The following UMAD1 variants were observed in gnomAD, a reference collection of about 807,000 sequenced individuals.
UMAD1 encodes UBAP1-MVB12-associated (UMA)-domain containing protein 1.
UMAD1 carries 8 observed loss-of-function variants against 6.1 expected under a neutral mutation model. The ratio of observed to expected loss-of-function variants is 1.30; its 90% CI spans 0.76 to 2.35. The LOEUF is 2.35. Among genes scored for constraint, UMAD1 ranks in the 30% most tolerant of loss-of-function variants. UMAD1 has a pLI of 0.00. For synonymous variants in UMAD1, 56 were observed against 31.4 expected (o/e 1.78, Z -2.61); for missense variants, 130 against 78.4 (o/e 1.66, Z -2.49).
chr7:7,655,290 T>C (rs746288862), intron 1 of UMAD1, among the ~76,000 whole-genome samples: 7 of 152,236 alleles, frequency 4.6e-5, no homozygotes, highest in Non-Finnish European at 1.0e-4. Context: ...GTATTGCGTT[T>C]AAGGATTTCA....
At chr7:7,757,179 A>G (rs1781795155) in intron 2 of UMAD1, among the ~76,000 whole-genome samples, 1 of 152,210 alleles carries the variant, frequency 6.6e-6, no homozygotes, top group South Asian at 2.1e-4. Context: ...TATGTATTCA[A>G]GGTGTCATCT....
chr7:7,657,234 C>G (rs1785365412), intron 1 of UMAD1, among the ~76,000 whole-genome samples: 1 of 146,342 alleles, frequency 6.8e-6, no homozygotes, highest in African/African-American at 2.5e-5. Context: ...ATGGATAGAT[C>G]ACAAAAATTT....
At chr7:7,876,648 ACAAT>A (rs1262894578) in intron 3 of UMAD1, among the ~76,000 whole-genome samples, 2 of 152,246 alleles carry the variant, frequency 1.3e-5, no homozygotes, top group Non-Finnish European at 2.9e-5. Context: ...AGTTCCAATG[ACAAT>A]CAGACAATCA....
chr7:7,771,086 A>G (rs1346541175), intron 2 of UMAD1, among the ~76,000 whole-genome samples: 1 of 151,730 alleles, frequency 6.6e-6, no homozygotes, highest in Non-Finnish European at 1.5e-5. Context: ...AAGAGGGCAA[A>G]TATGAGGTAA....
At chr7:7,726,372 C>T (rs1443889023) in intron 2 of UMAD1, among the ~76,000 whole-genome samples, 2 of 152,218 alleles carry the variant, frequency 1.3e-5, no homozygotes, top group Non-Finnish European at 2.9e-5. Flanking sequence ...TCATGGAATT[C>T]ACTGGTCTTA....
intron 2 of UMAD1, chr7:7,736,311 C>T (rs1393769777): frequency 6.5e-6 from 1 of 152,766 alleles, no homozygotes. Flanking sequence ...TGAAATTGCA[C>T]GTTTCTTCCT....
chr7:7,713,184 A>C (rs960732969), intron 2 of UMAD1, among the ~76,000 whole-genome samples: 4 of 148,920 alleles, frequency 2.7e-5, no homozygotes, highest in African/African-American at 9.8e-5. Context: ...TAAAAATACA[A>C]AAAAAAAAAA....
intron 1 of UMAD1, among the ~76,000 whole-genome samples, chr7:7,647,104 G>C (rs577923610): frequency 6.6e-6 from 1 of 152,088 alleles, no homozygotes; most frequent in Non-Finnish European, 1.5e-5. Context: ...TTGAGTGTTT[G>C]GTAGTGTTCA....
intron 2 of UMAD1, among the ~76,000 whole-genome samples, chr7:7,695,903 C>A (rs530073648): frequency 1.9e-4 from 29 of 151,622 alleles, no homozygotes; most frequent in African/African-American, 6.1e-4. Context: ...CCAACCATGG[C>A]AGGAGTGTGA....
intron 2 of UMAD1, among the ~76,000 whole-genome samples, chr7:7,674,144 G>T (rs1385971874): frequency 1.3e-5 from 2 of 152,114 alleles, no homozygotes; most frequent in Non-Finnish European, 2.9e-5. Flanking sequence ...TTTCCTTGTG[G>T]TTCTCATCCT....
At chr7:7,660,917 C>T (rs1411239333) in intron 1 of UMAD1, among the ~76,000 whole-genome samples, 1 of 152,212 alleles carries the variant, frequency 6.6e-6, no homozygotes, top group African/African-American at 2.4e-5. Context: ...GTTCTATTCT[C>T]CCTGTCACTT....
intron 2 of UMAD1, among the ~76,000 whole-genome samples, chr7:7,788,008 A>C (rs1327675611): frequency 6.6e-6 from 1 of 152,080 alleles, no homozygotes; most frequent in African/African-American, 2.4e-5. Context: ...TGATCATACC[A>C]TGTTTGCCGC....
At position 7,679,545 on chromosome 7, in the gene UMAD1, A is replaced by G. The variant is rs10257824; in HGVS notation, c.82+6092A>G. Reference sequence around the variant, plus strand: ...AGATAAATATATATTTATATATTTAATTTATAGATAAATATATATTTATAT... The same window carrying G: ...AGATAAATATATATTTATATATTTAGTTTATAGATAAATATATATTTATAT... On this transcript the variant is annotated intron_variant, in intron 2 of 3. Transcript: ENST00000682710. 3.1e-3 allele frequency among the ~76,000 whole-genome samples: 5 copies of G among 1,600 alleles called. 1 individual carries two copies. The highest frequency in any genetic ancestry group is 0.022 in the African/African-American group (4 of 182). 1.0% of individuals were successfully genotyped at this position (1,600 alleles called of 152,430 possible). A position where few individuals can be genotyped will look rare whatever the true frequency, so the allele number is the denominator to read the frequency against.
chr7:7,769,515 A>G (rs1393251692), intron 2 of UMAD1, among the ~76,000 whole-genome samples: 4 of 152,098 alleles, frequency 2.6e-5, no homozygotes, highest in African/African-American at 4.8e-5. Flanking sequence ...TTTGCTGCAT[A>G]TCATATGATT....
rs71543846 is a variant in UMAD1, at chr7:7,771,124, GT to G, written c.83-30533del. Among the ~76,000 whole-genome samples the G allele has an allele frequency of 6.9e-3, 1,007 of 145,770 alleles. 17 individuals carry two copies. The highest frequency in any genetic ancestry group is 0.022 in the African/African-American group (894 of 39,836). ...TTTTGTTAGATGGAGGTTTTTGTTA[GT>G]TTTTTTTTTTTTCTTGGAACGCTTT... is the stretch of plus-strand genomic sequence containing the variant. On this transcript the variant is annotated intron_variant, in intron 2 of 3. Coordinates refer to ENST00000682710, the MANE Select transcript of UMAD1 (RefSeq NM_001302348.2).
chr7:7,736,041 G>A (rs1781353726), intron 2 of UMAD1: 1 of 152,342 alleles, frequency 6.6e-6, no homozygotes, highest in Non-Finnish European at 1.5e-5. Flanking sequence ...GTGAGAAAGA[G>A]AGATGTCTTT....
chr7:7,877,185 C>A, intron 3 of UMAD1, 96 bp from the exon 4 acceptor site: 1 of 635,888 alleles, frequency 1.6e-6, no homozygotes, highest in Non-Finnish European at 2.9e-6. Flanking sequence ...ATATAGCCCA[C>A]ATTGCTCAAT....
intron 2 of UMAD1, among the ~76,000 whole-genome samples, chr7:7,778,329 A>G (rs141032010): frequency 2.1e-3 from 320 of 151,836 alleles, no homozygotes; most frequent in African/African-American, 7.4e-3. Flanking sequence ...GCAAAGTTTA[A>G]CAACTGATGA....
chr7:7,789,552 A>G (rs1782526700), intron 2 of UMAD1, among the ~76,000 whole-genome samples: 1 of 151,522 alleles, frequency 6.6e-6, no homozygotes, highest in South Asian at 2.1e-4. Context: ...GTACATTCTC[A>G]TTGTTGTACA....
Sources: gnomAD v4.1 joint callset for allele counts (sites outside exome capture counted in the v4.1 genomes callset) on GRCh38, gnomAD v4.1.1 for gene constraint, MANE v1.5 for transcripts, NCBI Gene and HGNC (gene_info 2026-07-23, HGNC 2026-07-21) for gene names.